The following CELF4 variants were observed in gnomAD, a reference collection of about 807,000 sequenced individuals.
The protein encoded by CELF4 is CUGBP Elav-like family member 4, also known as CUG-BP- and ETR-3-like factor 4.
In CELF4, 18 loss-of-function variants were observed where a neutral mutation model predicts 59.9. That is an observed-to-expected ratio of 0.30 (90% CI 0.21 to 0.45). The LOEUF (loss-of-function observed/expected upper bound fraction) is 0.45. Among genes scored for constraint, CELF4 ranks in the 20% least tolerant of loss-of-function variants. CELF4 has a pLI of 1.00. For synonymous variants in CELF4, 261 were observed against 267.1 expected, an observed-to-expected ratio of 0.98 and a Z score of 0.22; for missense variants, 456 against 689.0, an observed-to-expected ratio of 0.66 and a Z score of 3.79.
intron 1 of CELF4, among the ~76,000 whole-genome samples, chr18:37,502,572 C>A (rs1363001820): frequency 6.6e-6 from 1 of 152,222 alleles, no homozygotes; most frequent in East Asian, 1.9e-4. Context: ...AGGCTAGTAT[C>A]TGCTTTTGGT....
chr18:37,283,829 C>T (rs2094429178), intron 3 of CELF4, among the ~76,000 whole-genome samples: 2 of 122,148 alleles, frequency 1.6e-5, no homozygotes, highest in Non-Finnish European at 3.5e-5. Flanking sequence ...GTGGGAGAGG[C>T]AAGGGGTGGG....
rs539061822 is a variant in CELF4, at chr18:37,393,255, G to A, written c.370-71374C>T. Reference sequence around the variant, plus strand: ...CCAGCTTGGCCTGGCACCCAGTGGGGAAGACCCACCCCAGATACAGACCTC... The same window carrying A: ...CCAGCTTGGCCTGGCACCCAGTGGGAAAGACCCACCCCAGATACAGACCTC... On this transcript the variant is annotated intron_variant, in intron 2 of 12. Coordinates refer to ENST00000420428, the MANE Select transcript of CELF4 (RefSeq NM_020180.4). Among the ~76,000 whole-genome samples the A allele has an allele frequency of 2.5e-3, 380 of 152,336 alleles. 1 individual carries two copies. The highest frequency in any genetic ancestry group is 6.8e-3 in the Middle Eastern group (2 of 294).
intron 2 of CELF4, among the ~76,000 whole-genome samples, chr18:37,363,216 G>A (rs975673741): frequency 1.3e-5 from 2 of 152,108 alleles, no homozygotes; most frequent in African/African-American, 2.4e-5. Flanking sequence ...AGGAGGTGCT[G>A]AGTAGGCTTT....
intron 3 of CELF4, chr18:37,276,557 G>A (rs1304492176): frequency 6.6e-6 from 1 of 152,084 alleles, no homozygotes; most frequent in Non-Finnish European, 1.5e-5. Flanking sequence ...AGGAACTGAG[G>A]CCCCAGCTGA....
chr18:37,333,742 ATCC>A (rs2097652502), intron 2 of CELF4, among the ~76,000 whole-genome samples: 2 of 148,192 alleles, frequency 1.3e-5, no homozygotes, highest in African/African-American at 5.0e-5. Flanking sequence ...CCATCCATCC[ATCC>A]ATCCATCCAT....
intron 3 of CELF4, among the ~76,000 whole-genome samples, chr18:37,280,852 G>A (rs150590925): frequency 2.3e-3 from 347 of 152,272 alleles, no homozygotes; most frequent in Non-Finnish European, 4.2e-3. Context: ...CTGACTTCAG[G>A]ACTCTTTTTA....
At chr18:37,547,161 G>GTA (rs1491120605) in intron 1 of CELF4, among the ~76,000 whole-genome samples, 1 of 424 alleles carries the variant, frequency 2.4e-3, no homozygotes, top group African/African-American at 4.2e-3. Context: ...TGTGTGTGTG[G>GTA]TGTGTGTGTG....
Position 37,274,463 on chromosome 18 carries a change from G to A in CELF4, c.658-9C>T, listed in dbSNP as rs1348580002. The A allele has an allele frequency of 9.3e-6, 15 of 1,611,966 alleles. No homozygotes were observed. The highest frequency in any genetic ancestry group is 1.2e-5 in the Non-Finnish European group (14 of 1,179,438). ...AGACTGGACGAGGCTCCCTGCGGCC[G>A]GGGCGGCGCGTGAGACCCACCTGCT... On this transcript the variant is annotated splice_polypyrimidine_tract_variant and intron_variant, in intron 5 of 12. Coordinates refer to ENST00000420428, the MANE Select transcript of CELF4 (RefSeq NM_020180.4).
chr18:37,243,389 G>A lies in CELF4; in HGVS notation c.*1853C>T, dbSNP rs897269637. On this transcript the variant is annotated 3_prime_UTR_variant, in exon 13 of 13. Coordinates refer to ENST00000420428, the MANE Select transcript of CELF4 (RefSeq NM_020180.4). Reference sequence around the variant, plus strand: ...GCCTCCAGATGACCTGGACATCAATGAGAAGGAATCAAGGCAGAATGCCAA... The same window carrying A: ...GCCTCCAGATGACCTGGACATCAATAAGAAGGAATCAAGGCAGAATGCCAA... 6 of 152,244 alleles carry A rather than the reference G, an allele frequency of 3.9e-5. No homozygotes were observed. Among genetic ancestry groups the A allele is most frequent in the Non-Finnish European group, 8.8e-5 (6 of 68,018 alleles). The allele number at this position is 152,244 out of a possible 1,614,324, so 9.4% of individuals were successfully genotyped here. A position where few individuals can be genotyped will look rare whatever the true frequency, so the allele number is the denominator to read the frequency against.
chr18:37,308,248 A>G lies in CELF4; in HGVS notation c.448+13555T>C, dbSNP rs933629803. 2.6e-5 allele frequency among the ~76,000 whole-genome samples: 4 copies of G among 151,848 alleles called. No individual in the cohort carries two copies. In the East Asian group the frequency reaches 5.8e-4, roughly 22 times the overall value. ...TCTCTGGTATCGAAGACTCCCCATC[A>G]TCTTCTGGAACTGCCTCCCCACCCC... On this transcript the variant is annotated intron_variant, in intron 3 of 12. Transcript: ENST00000420428.
chr18:37,315,640 C>T (rs959928097), intron 3 of CELF4, among the ~76,000 whole-genome samples: 3 of 152,172 alleles, frequency 2.0e-5, no homozygotes, highest in African/African-American at 7.2e-5. Flanking sequence ...CCCCAGTGTG[C>T]CATGCACTCA....
chr18:37,302,530 A>G (rs1322876383), intron 3 of CELF4, among the ~76,000 whole-genome samples: 1 of 152,156 alleles, frequency 6.6e-6, no homozygotes, highest in African/African-American at 2.4e-5. Context: ...CCTATGAGGG[A>G]GGATGCACAT....
intron 2 of CELF4, among the ~76,000 whole-genome samples, chr18:37,324,840 T>G (rs2097250440): frequency 6.6e-6 from 1 of 152,140 alleles, no homozygotes; most frequent in African/African-American, 2.4e-5. Context: ...ATCTCTAACT[T>G]CAGTCAAGGA....
intron 3 of CELF4, among the ~76,000 whole-genome samples, chr18:37,297,945 T>C (rs1021314689): frequency 6.6e-6 from 1 of 152,212 alleles, no homozygotes; most frequent in African/African-American, 2.4e-5. Flanking sequence ...CAGAGACTGT[T>C]GGGTGTTTGG....
chr18:37,322,825 T>C (rs2097171339), intron 2 of CELF4, among the ~76,000 whole-genome samples: 1 of 152,198 alleles, frequency 6.6e-6, no homozygotes, highest in African/African-American at 2.4e-5. Flanking sequence ...TCTGCATTTC[T>C]CTCACAAACT....
chr18:37,495,828 A>G (rs1455421664), intron 1 of CELF4, among the ~76,000 whole-genome samples: 3 of 151,876 alleles, frequency 2.0e-5, no homozygotes, highest in African/African-American at 4.8e-5. Flanking sequence ...CTCTGCCCTC[A>G]TGATTTGTGT....
intron 1 of CELF4, among the ~76,000 whole-genome samples, chr18:37,512,665 TCTC>T (rs1399493519): frequency 5.5e-4 from 83 of 150,754 alleles, no homozygotes; most frequent in African/African-American, 1.7e-4. Flanking sequence ...ATCTCTTTCT[TCTC>T]CTCCTCTTCT....
intron 2 of CELF4, among the ~76,000 whole-genome samples, chr18:37,395,533 A>G (rs2099233409): frequency 6.6e-6 from 1 of 152,188 alleles, no homozygotes; most frequent in South Asian, 2.1e-4. Flanking sequence ...TGTCATTTTG[A>G]GATCAGTAGT....
intron 2 of CELF4, among the ~76,000 whole-genome samples, chr18:37,366,400 C>A (rs183592198): frequency 6.6e-6 from 1 of 152,300 alleles, no homozygotes; most frequent in East Asian, 1.9e-4. Context: ...AACTCCGAAC[C>A]TCACACAAGT....
Sources: gnomAD v4.1 joint callset for allele counts (sites outside exome capture counted in the v4.1 genomes callset) on GRCh38, gnomAD v4.1.1 for gene constraint, MANE v1.5 for transcripts, NCBI Gene and HGNC (gene_info 2026-07-23, HGNC 2026-07-21) for gene names.